Variants in LRRTM4 observed in about 807,000 individuals in gnomAD.
LRRTM4 encodes the protein leucine-rich repeat transmembrane neuronal protein 4.
LRRTM4 carries 25 observed loss-of-function variants against 47.6 expected under a neutral mutation model. That is an observed-to-expected ratio of 0.53 (90% CI 0.38 to 0.73). LRRTM4 has a LOEUF of 0.73. Among genes scored for constraint, LRRTM4 ranks in the 30% least tolerant of loss-of-function variants. The pLI, the probability that LRRTM4 is intolerant of heterozygous loss-of-function variation, is 0.00. For synonymous variants in LRRTM4, 311 were observed against 269.5 expected, an observed-to-expected ratio of 1.15 and a Z score of -1.51; for missense variants, 638 against 713.4, an observed-to-expected ratio of 0.89 and a Z score of 1.20.
At chr2:77,520,232 T>C (rs565690254) in intron 2 of LRRTM4, among the ~76,000 whole-genome samples, 1 of 152,156 alleles carries the variant, frequency 6.6e-6, no homozygotes, top group South Asian at 2.1e-4. Context: ...CAAAAGGAAG[T>C]GTACTATGTG....
At chr2:76,962,088 A>G (rs72923825) in intron 3 of LRRTM4, among the ~76,000 whole-genome samples, 260 of 151,372 alleles carry the variant, frequency 1.7e-3, no homozygotes, top group African/African-American at 6.2e-3. Context: ...TCTCTACTGT[A>G]ACTATTTAAA....
chr2:77,233,258 G>C (rs1675014921), intron 3 of LRRTM4, among the ~76,000 whole-genome samples: 1 of 152,066 alleles, frequency 6.6e-6, no homozygotes, highest in Non-Finnish European at 1.5e-5. Context: ...TATCCTTTTT[G>C]CTCATTCTTT....
At chr2:77,063,975 T>C (rs866608142) in intron 3 of LRRTM4, among the ~76,000 whole-genome samples, 1 of 152,072 alleles carries the variant, frequency 6.6e-6, no homozygotes, top group Middle Eastern at 3.4e-3. Context: ...AAAGGAAAAG[T>C]GAGAAAAGAC....
intron 3 of LRRTM4, among the ~76,000 whole-genome samples, chr2:76,787,885 A>C (rs73940057): frequency 0.084 from 12,853 of 152,156 alleles, 901 homozygotes; most frequent in East Asian, 0.28. Flanking sequence ...TCTCTGAGCC[A>C]ATTAGAATAT....
At chr2:77,178,898 C>T (rs1390896837) in intron 3 of LRRTM4, among the ~76,000 whole-genome samples, 1 of 152,130 alleles carries the variant, frequency 6.6e-6, no homozygotes, top group Non-Finnish European at 1.5e-5. Context: ...GTGTGGCCAA[C>T]TTACATTCAT....
At chr2:77,032,490 T>C (rs760975854) in intron 3 of LRRTM4, among the ~76,000 whole-genome samples, 3 of 152,170 alleles carry the variant, frequency 2.0e-5, no homozygotes, top group Non-Finnish European at 4.4e-5. Flanking sequence ...CACGTTGCCA[T>C]CTGTTAGAGC....
chr2:77,277,684 G>T (rs2104090218), intron 3 of LRRTM4, among the ~76,000 whole-genome samples: 1 of 152,110 alleles, frequency 6.6e-6, no homozygotes, highest in African/African-American at 2.4e-5. Context: ...TGTAAAAGCA[G>T]ATGATCTCGT....
At chr2:77,145,366 T>A (rs1429981915) in intron 3 of LRRTM4, among the ~76,000 whole-genome samples, 1 of 151,888 alleles carries the variant, frequency 6.6e-6, no homozygotes, top group African/African-American at 2.4e-5. Context: ...TCGTATATAT[T>A]TTATAATTTT....
At chr2:76,840,527 A>C in intron 3 of LRRTM4, among the ~76,000 whole-genome samples, 1 of 152,220 alleles carries the variant, frequency 6.6e-6, no homozygotes, top group Non-Finnish European at 1.5e-5. Context: ...ATGTGCAGTA[A>C]ATGTAAAAGT....
At chr2:76,965,638 C>A (rs1260601402) in intron 3 of LRRTM4, among the ~76,000 whole-genome samples, 1 of 151,158 alleles carries the variant, frequency 6.6e-6, no homozygotes, top group Non-Finnish European at 1.5e-5. Context: ...ACTGACTTAG[C>A]CTGATTTTAG....
chr2:77,273,154 A>C (rs1676252053), intron 3 of LRRTM4, among the ~76,000 whole-genome samples: 1 of 152,166 alleles, frequency 6.6e-6, no homozygotes, highest in African/African-American at 2.4e-5. Flanking sequence ...TCCTTAATTT[A>C]ATGGAAGATT....
chr2:77,356,278 A>C (rs1485204439), intron 3 of LRRTM4, among the ~76,000 whole-genome samples: 1 of 152,226 alleles, frequency 6.6e-6, no homozygotes, highest in Non-Finnish European at 1.5e-5. Context: ...ATTTCAAAGA[A>C]AATTAGACCA....
intron 3 of LRRTM4, among the ~76,000 whole-genome samples, chr2:77,075,914 C>CAAAAAAAAAAAAAAAAAA (rs61718845): frequency 3.5e-4 from 13 of 36,848 alleles, no homozygotes; most frequent in East Asian, 1.1e-3. Context: ...GACTCCGTCT[C>CAAAAAAAAAAAAAAAAAA]AAAAAAAAAA....
chr2:76,881,918 G>A (rs1387237210), intron 3 of LRRTM4, among the ~76,000 whole-genome samples: 6 of 152,078 alleles, frequency 3.9e-5, no homozygotes, highest in Non-Finnish European at 8.8e-5. Flanking sequence ...TTTTGTGTCA[G>A]AAATACGCTG....
chr2:77,207,347 G>GTATATATA lies in LRRTM4; in HGVS notation c.1551+310970_1551+310971insTATATATA, dbSNP rs200933978. Among the ~76,000 whole-genome samples, 21 of 83,410 alleles carry GTATATATA rather than the reference G, an allele frequency of 2.5e-4. 1 individual carries two copies. The highest frequency in any genetic ancestry group is 0.015 in the Middle Eastern group (2 of 130). The allele number at this position is 83,410 out of a possible 152,430, so 54.7% of individuals were successfully genotyped here. The stretch of plus-strand genomic sequence containing the variant: ...TTATGTTTTTCCTAATTTCATATAT[G>GTATATATA]TGTATATATATATATATATATATAT... On this transcript the variant is annotated intron_variant, in intron 3 of 3. Transcript: ENST00000409884.
chr2:77,055,725 A>G (rs1679581537), intron 3 of LRRTM4, among the ~76,000 whole-genome samples: 1 of 151,984 alleles, frequency 6.6e-6, no homozygotes, highest in African/African-American at 2.4e-5. Flanking sequence ...ATGCTGCTAT[A>G]AAGACACATG....
At chr2:77,364,906 C>CTCTTATCAGATAATA (rs1377065123) in intron 3 of LRRTM4, among the ~76,000 whole-genome samples, 17 of 151,906 alleles carry the variant, frequency 1.1e-4, no homozygotes, top group Non-Finnish European at 1.9e-4. Context: ...ATAATCCTAC[C>CTCTTATCAGATAATA]TCTTATCAGA....
At chr2:76,841,068 A>G (rs890047830) in intron 3 of LRRTM4, among the ~76,000 whole-genome samples, 20 of 144,376 alleles carry the variant, frequency 1.4e-4, no homozygotes, top group Non-Finnish European at 2.4e-4. Flanking sequence ...AATGTGGCAC[A>G]TAGACACCAT....
At chr2:77,359,146 A>G (rs1312090338) in intron 3 of LRRTM4, among the ~76,000 whole-genome samples, 1 of 152,154 alleles carries the variant, frequency 6.6e-6, no homozygotes, top group Admixed American at 6.6e-5. Flanking sequence ...ACTTGGTCGT[A>G]GATTTTCACA....
Sources: gnomAD v4.1 joint callset for allele counts (sites outside exome capture counted in the v4.1 genomes callset) on GRCh38, gnomAD v4.1.1 for gene constraint, MANE v1.5 for transcripts, NCBI Gene and HGNC (gene_info 2026-07-23, HGNC 2026-07-21) for gene names.